Variants in GRIP1 observed in about 807,000 individuals in gnomAD.
GRIP1 encodes glutamate receptor-interacting protein 1.
A neutral mutation model predicts 129.9 loss-of-function variants in GRIP1; 45 were observed. That is an observed-to-expected ratio of 0.35 (90% CI 0.27 to 0.44). The LOEUF is 0.44. Ranked by LOEUF, GRIP1 falls within the 20% of genes least tolerant of loss-of-function variation. GRIP1 has a pLI of 1.00. For synonymous variants in GRIP1, 530 were observed against 520.8 expected (o/e 1.02, Z -0.24); for missense variants, 1,196 against 1,396.8 (o/e 0.86, Z 2.29).
chr12:66,580,446 A>G (rs2063329804), intron 2 of GRIP1, among the ~76,000 whole-genome samples: 1 of 152,194 alleles, frequency 6.6e-6, no homozygotes, highest in Non-Finnish European at 1.5e-5. Context: ...TGCTCCAATT[A>G]AAAGACACAG....
chr12:67,035,411 T>C, intron 1 of GRIP1: 1 of 152,180 alleles, frequency 6.6e-6, no homozygotes, highest in South Asian at 2.1e-4. Context: ...CAGGACACAA[T>C]GAAACAGCCA....
intron 7 of GRIP1, among the ~76,000 whole-genome samples, chr12:66,492,364 A>C (rs2060125371): frequency 6.6e-6 from 1 of 152,198 alleles, no homozygotes; most frequent in East Asian, 1.9e-4. Flanking sequence ...TAAAAACCAA[A>C]TACTACTAAA....
At chr12:66,597,087 A>G (rs933761961) in intron 1 of GRIP1, among the ~76,000 whole-genome samples, 160 bp from the exon 2 acceptor site, 1 of 152,164 alleles carries the variant, frequency 6.6e-6, no homozygotes, top group Non-Finnish European at 1.5e-5. Context: ...TGTGGGATAA[A>G]TCTTTGAAAA....
At chr12:66,365,837 G>C (rs568243503) in intron 23 of GRIP1, among the ~76,000 whole-genome samples, 7 of 152,292 alleles carry the variant, frequency 4.6e-5, no homozygotes, top group Non-Finnish European at 1.0e-4. Flanking sequence ...GACCCTGTAA[G>C]GTTGAGGCAA....
intron 14 of GRIP1, among the ~76,000 whole-genome samples, chr12:66,422,998 T>C (rs908886085): frequency 2.0e-5 from 3 of 152,172 alleles, no homozygotes; most frequent in Admixed American, 6.5e-5. Flanking sequence ...TAAGAATAAA[T>C]CACAAACCAA....
At chr12:66,877,130 C>T (rs756232023) in intron 1 of GRIP1, among the ~76,000 whole-genome samples, 8 of 152,094 alleles carry the variant, frequency 5.3e-5, no homozygotes, top group African/African-American at 1.4e-4. Flanking sequence ...AGGTCAATTA[C>T]GGCATCTGAG....
At chr12:67,051,870 A>T (rs527623406) in intron 1 of GRIP1, among the ~76,000 whole-genome samples, 1 of 152,314 alleles carries the variant, frequency 6.6e-6, no homozygotes, top group East Asian at 1.9e-4. Flanking sequence ...GGTTCTCTAT[A>T]CTGAAAGAAA....
chr12:66,407,642 C>T (rs1402584780), intron 15 of GRIP1, among the ~76,000 whole-genome samples: 1 of 152,198 alleles, frequency 6.6e-6, no homozygotes, highest in South Asian at 2.1e-4. Flanking sequence ...ACGGAGGGAA[C>T]ATTTAGATCA....
chr12:66,743,639 C>T (rs1397570821), intron 1 of GRIP1, among the ~76,000 whole-genome samples: 1 of 151,728 alleles, frequency 6.6e-6, no homozygotes, highest in Non-Finnish European at 1.5e-5. Flanking sequence ...TTACCAGGAT[C>T]CTGTCCTGGA....
At chr12:66,827,674 T>C (rs2039443545) in intron 1 of GRIP1, among the ~76,000 whole-genome samples, 1 of 152,048 alleles carries the variant, frequency 6.6e-6, no homozygotes, top group African/African-American at 2.4e-5. Context: ...GCTTAGAAGA[T>C]TCAACTTTAG....
intron 1 of GRIP1, among the ~76,000 whole-genome samples, chr12:66,699,369 C>T (rs1322008413): frequency 6.6e-6 from 1 of 152,156 alleles, no homozygotes; most frequent in Non-Finnish European, 1.5e-5. Context: ...TGAATTGTAG[C>T]TCCCATAATT....
chr12:66,852,449 A>G (rs1206765487), intron 1 of GRIP1, among the ~76,000 whole-genome samples: 2 of 151,658 alleles, frequency 1.3e-5, no homozygotes, highest in Non-Finnish European at 1.5e-5. Context: ...AGATTTTTAA[A>G]CACCCCAAAA....
chr12:66,942,288 A>T lies in GRIP1; in HGVS notation c.58+126762T>A, dbSNP rs1042442226. ...ATCCCTTTTCAATTTTTCTGTTCTT[A>T]TTTTTTTTTTCCTGGCTGCCCAGTG... On this transcript the variant is annotated intron_variant, in intron 1 of 1. Transcript: ENST00000643019. Among the ~76,000 whole-genome samples the T allele has an allele frequency of 2.7e-5, 4 of 149,214 alleles. No individual in the cohort carries two copies. The East Asian group carries it at 7.8e-4, about 29-fold the overall frequency.
At chr12:66,533,157 A>G (rs953265146) in intron 4 of GRIP1, among the ~76,000 whole-genome samples, 13 of 152,100 alleles carry the variant, frequency 8.5e-5, no homozygotes, top group Non-Finnish European at 1.9e-4. Context: ...TTAAGTGACC[A>G]AAAAATTTGA....
At chr12:66,596,336 T>C (rs374578682) in intron 2 of GRIP1, among the ~76,000 whole-genome samples, 98 of 152,306 alleles carry the variant, frequency 6.4e-4, no homozygotes, top group African/African-American at 2.2e-3. Flanking sequence ...ATATGACTCA[T>C]TGTATTACAA....
chr12:67,029,937 C>T (rs1403880154), intron 1 of GRIP1, among the ~76,000 whole-genome samples: 3 of 151,578 alleles, frequency 2.0e-5, no homozygotes, highest in Non-Finnish European at 4.4e-5. Flanking sequence ...CGGTGGCTCA[C>T]GCCTGTAATC....
chr12:66,572,827 C>G (rs531713917), intron 2 of GRIP1, among the ~76,000 whole-genome samples: 11 of 152,224 alleles, frequency 7.2e-5, no homozygotes, highest in African/African-American at 2.6e-4. Context: ...TTATTAAAAA[C>G]TTTATATGCA....
chr12:66,945,568 G>C (rs956543421), intron 1 of GRIP1, among the ~76,000 whole-genome samples: 1 of 151,986 alleles, frequency 6.6e-6, no homozygotes, highest in African/African-American at 2.4e-5. Context: ...AAGAGAGTGG[G>C]AGGGGGTGGG....
chr12:66,640,860 G>A (rs2031857162), intron 1 of GRIP1, among the ~76,000 whole-genome samples: 5 of 152,144 alleles, frequency 3.3e-5, no homozygotes, highest in Admixed American at 2.6e-4. Flanking sequence ...AGCAAAAACA[G>A]ACAAAATACA....
Sources: gnomAD v4.1 joint callset for allele counts (sites outside exome capture counted in the v4.1 genomes callset) on GRCh38, gnomAD v4.1.1 for gene constraint, MANE v1.5 for transcripts, NCBI Gene and HGNC (gene_info 2026-07-23, HGNC 2026-07-21) for gene names.